Variants in SUFU observed in about 807,000 individuals in gnomAD.
SUFU encodes the protein SUFU negative regulator of hedgehog signaling, also known as suppressor of fused homolog.
Under a neutral mutation model 58.9 loss-of-function variants are expected in SUFU, and 7 were observed. The observed-to-expected ratio is 0.12, with a 90% CI of 0.07 to 0.22. The LOEUF (loss-of-function observed/expected upper bound fraction) is 0.22, where lower values mean the gene tolerates loss of function less well. SUFU is among the 10% of genes least tolerant of loss of function. The pLI, the probability that SUFU is intolerant of heterozygous loss-of-function variation, is 1.00. For synonymous variants in SUFU, 232 were observed against 254.8 expected, an observed-to-expected ratio of 0.91 and a Z score of 0.85; for missense variants, 451 against 641.3, an observed-to-expected ratio of 0.70 and a Z score of 3.20.
intron 3 of SUFU, chr10:102,591,771 G>A (rs1317698347): frequency 6.6e-6 from 1 of 152,240 alleles, no homozygotes; most frequent in African/African-American, 2.4e-5. Context: ...CCCACGATGA[G>A]AGTCAGAGCT....
At chr10:102,588,966 A>G (rs1485272395) in intron 3 of SUFU, among the ~76,000 whole-genome samples, 3 of 152,058 alleles carry the variant, frequency 2.0e-5, no homozygotes, top group East Asian at 3.8e-4. Context: ...TCTGTTGCCC[A>G]GGCTGGAATG....
chr10:102,615,861 A>G (rs1471945476), intron 9 of SUFU, among the ~76,000 whole-genome samples: 3 of 152,062 alleles, frequency 2.0e-5, no homozygotes, highest in East Asian at 3.9e-4. Context: ...CTGGTCTCCT[A>G]TTGCTTGTTT....
chr10:102,510,964 T>C (rs948498448), intron 2 of SUFU, among the ~76,000 whole-genome samples: 3 of 150,468 alleles, frequency 2.0e-5, no homozygotes, highest in African/African-American at 7.4e-5. Context: ...CTACTAAAAA[T>C]AATAAAATTA....
chr10:102,584,675 A>G (rs1445521662), intron 3 of SUFU, among the ~76,000 whole-genome samples: 1 of 152,228 alleles, frequency 6.6e-6, no homozygotes, highest in Non-Finnish European at 1.5e-5. Context: ...CTAATTTGCC[A>G]TTAATTTTCC....
intron 3 of SUFU, chr10:102,590,800 C>T (rs1418856794): frequency 2.0e-5 from 3 of 152,138 alleles, no homozygotes; most frequent in Non-Finnish European, 4.4e-5. Context: ...TGCATTGTTT[C>T]TTGCTTGCAG....
At chr10:102,558,352 A>T (rs1299170129) in intron 3 of SUFU, among the ~76,000 whole-genome samples, 1 of 152,200 alleles carries the variant, frequency 6.6e-6, no homozygotes, top group Non-Finnish European at 1.5e-5. Context: ...CTACGACTAC[A>T]GGTGCACACC....
intron 3 of SUFU, among the ~76,000 whole-genome samples, chr10:102,570,753 A>G (rs1467160397): frequency 2.0e-5 from 3 of 152,100 alleles, no homozygotes; most frequent in African/African-American, 7.2e-5. Flanking sequence ...TTAGTTTCCT[A>G]AGCTGAAAAT....
At chr10:102,568,655 C>T (rs1287964670) in intron 3 of SUFU, among the ~76,000 whole-genome samples, 8 of 151,660 alleles carry the variant, frequency 5.3e-5, no homozygotes, top group African/African-American at 1.9e-4. Flanking sequence ...AGGTGGATCA[C>T]CTGAGGTCAG....
At chr10:102,612,006 C>T (rs1460505767) in intron 8 of SUFU, among the ~76,000 whole-genome samples, 22 of 152,322 alleles carry the variant, frequency 1.4e-4, no homozygotes, top group East Asian at 1.9e-4. Context: ...GCCATGCTGC[C>T]GAGCACACTA....
At chr10:102,541,566 T>G (rs1452805784) in intron 2 of SUFU, among the ~76,000 whole-genome samples, 1 of 151,438 alleles carries the variant, frequency 6.6e-6, no homozygotes, top group African/African-American at 2.4e-5. Flanking sequence ...GCCTGGCAAA[T>G]TTTTGTATTT....
intron 2 of SUFU, among the ~76,000 whole-genome samples, chr10:102,547,611 T>C (rs1029226171): frequency 6.6e-6 from 1 of 152,140 alleles, no homozygotes; most frequent in Non-Finnish European, 1.5e-5. Context: ...TACTTGAGCC[T>C]GGGAGTTCAA....
chr10:102,563,784 T>C (rs1198412577), intron 3 of SUFU, among the ~76,000 whole-genome samples: 1 of 151,350 alleles, frequency 6.6e-6, no homozygotes, highest in East Asian at 1.9e-4. Context: ...TTTTTTTTGT[T>C]GTTAAATTAA....
intron 7 of SUFU, among the ~76,000 whole-genome samples, chr10:102,598,270 A>T (rs2063484106): frequency 6.6e-6 from 1 of 151,982 alleles, no homozygotes; most frequent in South Asian, 2.1e-4. Context: ...CTCCAGCCTC[A>T]GCATCCCAAG....
rs550134172 is a variant in SUFU, at chr10:102,518,589, C to T, written c.317+9286C>T. On this transcript the variant is annotated intron_variant, in intron 2 of 11. Transcript: ENST00000369902. ...TGACACAGGGCCTGGCCCTCTCGCC[C>T]AGGCTGGAGTGCACTGGCTCCATCT... 2.6e-4 allele frequency among the ~76,000 whole-genome samples: 39 copies of T among 151,824 alleles called. 1 individual carries two copies. The East Asian group carries it at 7.0e-3, about 27-fold the overall frequency.
chr10:102,612,027 A>G (rs1414663610), intron 8 of SUFU, among the ~76,000 whole-genome samples: 2 of 152,228 alleles, frequency 1.3e-5, no homozygotes, highest in African/African-American at 4.8e-5. Flanking sequence ...CTTATTTTTT[A>G]TGACTAAGAT....
intron 2 of SUFU, among the ~76,000 whole-genome samples, chr10:102,509,861 A>C (rs917185886): frequency 6.6e-6 from 1 of 151,886 alleles, no homozygotes; most frequent in Non-Finnish European, 1.5e-5. Flanking sequence ...TTTTGGAGAT[A>C]GGGTCTCACT....
At chr10:102,535,358 C>G (rs1417444899) in intron 2 of SUFU, among the ~76,000 whole-genome samples, 1 of 152,006 alleles carries the variant, frequency 6.6e-6, no homozygotes, top group South Asian at 2.1e-4. Context: ...TGGTGGCACA[C>G]GCCTGTAGTC....
chr10:102,517,365 G>A (rs933379560), intron 2 of SUFU, among the ~76,000 whole-genome samples: 2 of 152,024 alleles, frequency 1.3e-5, no homozygotes, highest in African/African-American at 4.8e-5. Flanking sequence ...TACCAGGCCA[G>A]AGTGGTGCCA....
chr10:102,594,140 T>C, intron 6 of SUFU, 75 bp downstream of exon 6: 1 of 1,476,088 alleles, frequency 6.8e-7, no homozygotes, highest in Non-Finnish European at 9.5e-7. Flanking sequence ...GCTTTCATCC[T>C]GGGAAAACAG....
Sources: gnomAD v4.1 joint callset for allele counts (sites outside exome capture counted in the v4.1 genomes callset) on GRCh38, gnomAD v4.1.1 for gene constraint, MANE v1.5 for transcripts, NCBI Gene and HGNC (gene_info 2026-07-23, HGNC 2026-07-21) for gene names.